CNTNAP2: variants seen among roughly 807,000 people sequenced by gnomAD.
The protein encoded by CNTNAP2 is contactin associated protein 2.
Under a neutral mutation model 155.2 loss-of-function variants are expected in CNTNAP2, and 98 were observed. That is an observed-to-expected ratio of 0.63 (90% confidence interval 0.54 to 0.75). CNTNAP2 has a LOEUF of 0.75. Ranked by LOEUF, CNTNAP2 falls within the 30% of genes least tolerant of loss-of-function variation. The probability of loss-of-function intolerance (pLI) is 0.00; values close to 1 mark genes in which losing one functional copy is unlikely to be tolerated. For synonymous variants in CNTNAP2, 651 were observed against 631.2 expected, an observed-to-expected ratio of 1.03 and a Z score of -0.47; for missense variants, 1,727 against 1,688.1, an observed-to-expected ratio of 1.02 and a Z score of -0.40.
At chr7:147,914,715 A>G (rs746298712) in intron 14 of CNTNAP2, among the ~76,000 whole-genome samples, 20 of 151,916 alleles carry the variant, frequency 1.3e-4, no homozygotes, top group Admixed American at 4.6e-4. Context: ...ACATCTAGCT[A>G]ATTTTTTGTA....
intron 3 of CNTNAP2, among the ~76,000 whole-genome samples, chr7:147,040,273 T>C (rs1244176731): frequency 6.6e-6 from 1 of 152,072 alleles, no homozygotes. Context: ...ATCTGCTACA[T>C]AGAAGACTCT....
chr7:146,649,516 T>C (rs1294143049), intron 1 of CNTNAP2, among the ~76,000 whole-genome samples: 1 of 152,152 alleles, frequency 6.6e-6, no homozygotes, highest in African/African-American at 2.4e-5. Flanking sequence ...TCACTGCTGT[T>C]TTTAAATTTT....
At chr7:148,374,979 C>A (rs1476174924) in intron 21 of CNTNAP2, among the ~76,000 whole-genome samples, 1 of 152,096 alleles carries the variant, frequency 6.6e-6, no homozygotes, top group Non-Finnish European at 1.5e-5. Context: ...TTATTCTTAG[C>A]CCTAAAAAAT....
chr7:147,008,370 A>G (rs965881451), intron 3 of CNTNAP2, among the ~76,000 whole-genome samples: 4 of 152,076 alleles, frequency 2.6e-5, no homozygotes, highest in African/African-American at 9.7e-5. Flanking sequence ...GTCGCTTACT[A>G]TGGTGATTCA....
intron 13 of CNTNAP2, among the ~76,000 whole-genome samples, chr7:147,860,217 G>A (rs971911270): frequency 1.3e-5 from 2 of 152,120 alleles, no homozygotes; most frequent in African/African-American, 4.8e-5. Context: ...CTGAGGTCAG[G>A]AGTTTGAGAC....
At chr7:148,373,701 C>T (rs1427647705) in intron 21 of CNTNAP2, among the ~76,000 whole-genome samples, 1 of 152,140 alleles carries the variant, frequency 6.6e-6, no homozygotes, top group Non-Finnish European at 1.5e-5. Flanking sequence ...TACTAAAATG[C>T]TTTGCTGAAA....
At chr7:147,578,480 C>G (rs572599705) in intron 12 of CNTNAP2, among the ~76,000 whole-genome samples, 2 of 152,064 alleles carry the variant, frequency 1.3e-5, no homozygotes, top group Admixed American at 1.3e-4. Context: ...GATTGCTCTC[C>G]CATTAACGGT....
At chr7:146,769,350 G>A (rs977294036) in intron 1 of CNTNAP2, among the ~76,000 whole-genome samples, 2 of 152,036 alleles carry the variant, frequency 1.3e-5, no homozygotes, top group Non-Finnish European at 2.9e-5. Context: ...TGATTTCCTA[G>A]TATTTAATGT....
intron 13 of CNTNAP2, among the ~76,000 whole-genome samples, chr7:147,716,363 G>A (rs1448623195): frequency 6.6e-6 from 1 of 152,132 alleles, no homozygotes; most frequent in African/African-American, 2.4e-5. Context: ...CCAGTCCACA[G>A]TGAAATGCCA....
chr7:147,054,903 C>A (rs1433898112), intron 4 of CNTNAP2, among the ~76,000 whole-genome samples: 1 of 152,098 alleles, frequency 6.6e-6, no homozygotes, highest in Non-Finnish European at 1.5e-5. Context: ...TTTATATTTT[C>A]TATGCTTCTA....
intron 12 of CNTNAP2, among the ~76,000 whole-genome samples, chr7:147,594,586 G>A (rs749460748): frequency 6.6e-6 from 1 of 152,148 alleles, no homozygotes. Flanking sequence ...TTATTTTCTG[G>A]GTTTTCGCCT....
intron 13 of CNTNAP2, among the ~76,000 whole-genome samples, chr7:147,641,936 C>T (rs1173052766): frequency 1.3e-5 from 2 of 152,094 alleles, no homozygotes; most frequent in Non-Finnish European, 2.9e-5. Context: ...GATATTCCTG[C>T]TCTAGAGACC....
intron 12 of CNTNAP2, among the ~76,000 whole-genome samples, chr7:147,619,870 G>C (rs1310198963): frequency 6.6e-6 from 1 of 152,126 alleles, no homozygotes; most frequent in African/African-American, 2.4e-5. Flanking sequence ...GCAGGTCTTG[G>C]GGCAACACCC....
chr7:147,274,043 GACAC>G (rs1270606897), intron 8 of CNTNAP2, among the ~76,000 whole-genome samples: 2 of 149,776 alleles, frequency 1.3e-5, no homozygotes, highest in Non-Finnish European at 3.0e-5. Flanking sequence ...TACACACACA[GACAC>G]ACACACAAAC....
intron 13 of CNTNAP2, among the ~76,000 whole-genome samples, chr7:147,642,357 GC>G (rs1198187616): frequency 6.6e-6 from 1 of 152,000 alleles, no homozygotes; most frequent in Non-Finnish European, 1.5e-5. Flanking sequence ...ACACAGTATG[GC>G]TTCCAAATAT....
At chr7:146,991,730 TAATG>T (rs1402626474) in intron 3 of CNTNAP2, among the ~76,000 whole-genome samples, 8 of 152,128 alleles carry the variant, frequency 5.3e-5, no homozygotes, top group Non-Finnish European at 7.4e-5. Flanking sequence ...ATTGGGCACA[TAATG>T]AATCAAGAAA....
chr7:148,066,648 C>T (rs1270818287), intron 15 of CNTNAP2, among the ~76,000 whole-genome samples: 12 of 152,024 alleles, frequency 7.9e-5, no homozygotes, highest in Non-Finnish European at 1.2e-4. Flanking sequence ...CAGGCGCCCA[C>T]CACCACACCC....
intron 1 of CNTNAP2, among the ~76,000 whole-genome samples, chr7:146,552,384 A>C (rs985642787): frequency 2.6e-5 from 4 of 152,054 alleles, no homozygotes; most frequent in African/African-American, 7.2e-5. Context: ...GTCTCTTCTC[A>C]GTTTCTCTCT....
At chr7:146,801,429 A>G (rs948858823) in intron 2 of CNTNAP2, among the ~76,000 whole-genome samples, 1 of 152,166 alleles carries the variant, frequency 6.6e-6, no homozygotes, top group East Asian at 1.9e-4. Flanking sequence ...ATTTCATATT[A>G]CCAATGAAGG....
Sources: gnomAD v4.1 joint callset for allele counts (sites outside exome capture counted in the v4.1 genomes callset) on GRCh38, gnomAD v4.1.1 for gene constraint, MANE v1.5 for transcripts, NCBI Gene and HGNC (gene_info 2026-07-23, HGNC 2026-07-21) for gene names.